Variants in EYS observed in about 807,000 individuals in gnomAD.
EYS encodes EGF-like photoreceptor maintenance factor.
In EYS, 250 loss-of-function variants were observed where a neutral mutation model predicts 282.1. The observed-to-expected ratio is 0.89, with a 90% confidence interval of 0.80 to 0.98. EYS has a LOEUF of 0.98. Ranked by LOEUF, EYS falls within the 50% of genes least tolerant of loss-of-function variation. The pLI, the probability that EYS is intolerant of heterozygous loss-of-function variation, is 0.00. For synonymous variants in EYS, 1,355 were observed against 1,282.9 expected, an observed-to-expected ratio of 1.06 and a Z score of -1.20; for missense variants, 4,016 against 3,709.0, an observed-to-expected ratio of 1.08 and a Z score of -2.15.
At chr6:64,300,764 C>T (rs946672528) in intron 30 of EYS, among the ~76,000 whole-genome samples, 1 of 152,184 alleles carries the variant, frequency 6.6e-6, no homozygotes, top group Non-Finnish European at 1.5e-5. Flanking sequence ...CAAGATTGGC[C>T]TACAATCTTT....
intron 30 of EYS, among the ~76,000 whole-genome samples, chr6:64,245,077 G>T (rs1766968905): frequency 1.3e-5 from 2 of 149,192 alleles, no homozygotes; most frequent in Non-Finnish European, 3.0e-5. Context: ...AACATGCAGT[G>T]TTGGGTTTTC....
intron 31 of EYS, among the ~76,000 whole-genome samples, chr6:64,090,470 T>G: frequency 6.6e-6 from 1 of 152,304 alleles, no homozygotes; most frequent in East Asian, 1.9e-4. Flanking sequence ...AATACCTTTC[T>G]TGTTATCAAC....
At chr6:64,712,993 G>T (rs1213702472) in intron 22 of EYS, among the ~76,000 whole-genome samples, 1 of 152,118 alleles carries the variant, frequency 6.6e-6, no homozygotes, top group Non-Finnish European at 1.5e-5. Context: ...CACTGACACA[G>T]TCAAAATATT....
In EYS at chr6:65,495,550, A is replaced by G; in HGVS notation, c.-140T>C. ...TTGACCTTTTTTCTATACCCAAAGT[A>G]GCTTTGATGACAATGTGCTTTGATG... On this transcript the variant is annotated 5_prime_UTR_variant, in exon 4 of 43. Transcript: ENST00000503581. 1.3e-6 allele frequency: 1 copy of G among 768,666 alleles called. No homozygotes were observed. Among genetic ancestry groups the G allele is most frequent in the South Asian group, 1.7e-5 (1 of 60,560 alleles). The allele number at this position is 768,666 out of a possible 1,614,324, so 47.6% of individuals were successfully genotyped here. A position where few individuals can be genotyped will look rare whatever the true frequency, so the allele number is the denominator to read the frequency against.
At chr6:64,120,213 A>G (rs1293500031) in intron 31 of EYS, among the ~76,000 whole-genome samples, 54 of 151,450 alleles carry the variant, frequency 3.6e-4, no homozygotes, top group African/African-American at 1.3e-3. Flanking sequence ...AAAATTAGCC[A>G]GGCATGGTGG....
At chr6:65,403,022 G>C (rs570019870) in intron 6 of EYS, among the ~76,000 whole-genome samples, 7 of 152,148 alleles carry the variant, frequency 4.6e-5, no homozygotes, top group Non-Finnish European at 7.4e-5. Context: ...CCAGTTCTGG[G>C]CCAAGCTAAC....
At chr6:64,965,936 A>AGCT (rs1770080492) in intron 14 of EYS, among the ~76,000 whole-genome samples, 1 of 145,012 alleles carries the variant, frequency 6.9e-6, no homozygotes, top group Non-Finnish European at 1.5e-5. Context: ...GTTGCCTAAT[A>AGCT]GCTGCTGAAA....
At chr6:64,989,389 G>T in intron 14 of EYS, among the ~76,000 whole-genome samples, 1 of 37,622 alleles carries the variant, frequency 2.7e-5, no homozygotes, top group African/African-American at 1.9e-4. Context: ...TTACTGGCTA[G>T]CTGTAATATA....
chr6:65,302,319 G>C (rs529714057), intron 11 of EYS, among the ~76,000 whole-genome samples: 1 of 152,166 alleles, frequency 6.6e-6, no homozygotes, highest in Non-Finnish European at 1.5e-5. Flanking sequence ...ACCTACAGGC[G>C]TAATAGATTG....
chr6:64,760,907 T>A (rs973740365), intron 22 of EYS, among the ~76,000 whole-genome samples: 1 of 152,198 alleles, frequency 6.6e-6, no homozygotes, highest in Admixed American at 6.5e-5. Context: ...CTTTAGAACC[T>A]AGCCATTGTC....
chr6:65,548,161 C>T (rs1180796107), intron 2 of EYS, among the ~76,000 whole-genome samples: 2 of 152,002 alleles, frequency 1.3e-5, no homozygotes, highest in African/African-American at 2.4e-5. Context: ...TGAAAATGTC[C>T]AAAGAACTAT....
chr6:64,017,741 C>G (rs1342773324), intron 33 of EYS, among the ~76,000 whole-genome samples: 1 of 152,162 alleles, frequency 6.6e-6, no homozygotes, highest in Admixed American at 6.5e-5. Flanking sequence ...CATCCTTTAG[C>G]ACATCTGCTC....
intron 34 of EYS, among the ~76,000 whole-genome samples, chr6:63,986,236 C>T (rs1401900273): frequency 1.3e-5 from 2 of 151,768 alleles, no homozygotes; most frequent in African/African-American, 2.4e-5. Context: ...CATCTCACAC[C>T]AGTCAGAAGG....
At chr6:65,226,665 T>G (rs888832441) in intron 12 of EYS, among the ~76,000 whole-genome samples, 2 of 152,178 alleles carry the variant, frequency 1.3e-5, no homozygotes, top group African/African-American at 2.4e-5. Context: ...CCTTCATATA[T>G]TGTTTATAGA....
intron 19 of EYS, among the ~76,000 whole-genome samples, chr6:64,832,270 G>A (rs565795452): frequency 3.3e-5 from 5 of 151,956 alleles, no homozygotes; most frequent in African/African-American, 1.2e-4. Flanking sequence ...TCAAACAAAT[G>A]ATTCTAATCC....
intron 12 of EYS, among the ~76,000 whole-genome samples, chr6:65,213,163 T>G (rs530694734): frequency 6.6e-6 from 1 of 152,252 alleles, no homozygotes; most frequent in South Asian, 2.1e-4. Context: ...ATATGTGACA[T>G]TACTTAAAAT....
intron 16 of EYS, among the ~76,000 whole-genome samples, chr6:64,906,798 G>T (rs752467218): frequency 5.9e-5 from 9 of 152,148 alleles, no homozygotes; most frequent in Non-Finnish European, 1.0e-4. Context: ...ATTAAATTAA[G>T]AAGTATTTGA....
At chr6:65,245,853 G>A (rs1767165692) in intron 12 of EYS, among the ~76,000 whole-genome samples, 1 of 151,770 alleles carries the variant, frequency 6.6e-6, no homozygotes. Flanking sequence ...GGCCATGGGG[G>A]GAAGATCTCT....
intron 33 of EYS, among the ~76,000 whole-genome samples, chr6:64,018,759 GTTTTTTTTTTTTTT>G (rs1163533009): frequency 0.045 from 2,427 of 53,876 alleles, 58 homozygotes; most frequent in Middle Eastern, 0.18. Flanking sequence ...CATCACAAGT[GTTTTTTTTTTTTTT>G]TTTTTTTTTT....
Sources: allele counts gnomAD v4.1 joint callset (sites outside exome capture counted in the v4.1 genomes callset), GRCh38; gene constraint gnomAD v4.1.1; transcripts MANE v1.5; gene names NCBI Gene and HGNC (gene_info 2026-07-23, HGNC 2026-07-21).